MEGF8: variants seen among roughly 807,000 people sequenced by gnomAD.
MEGF8 encodes the protein multiple epidermal growth factor-like domains protein 8.
Under a neutral mutation model 302.9 loss-of-function variants are expected in MEGF8, and 156 were observed. The ratio of observed to expected loss-of-function variants is 0.52; its 90% CI spans 0.45 to 0.59. The LOEUF (loss-of-function observed/expected upper bound fraction) is 0.59. MEGF8 is among the 20% of genes least tolerant of loss of function. The probability of loss-of-function intolerance (pLI) is 0.00; values close to 1 mark genes in which losing one functional copy is unlikely to be tolerated. For synonymous variants in MEGF8, 1,621 were observed against 1,660.5 expected, an observed-to-expected ratio of 0.98 and a Z score of 0.58; for missense variants, 3,345 against 3,964.5, an observed-to-expected ratio of 0.84 and a Z score of 4.20.
rs901754018 is a variant in MEGF8, at chr19:42,373,537, A to G, written c.7270-1970A>G. Among the ~76,000 whole-genome samples the G allele has an allele frequency of 2.6e-5, 4 of 151,806 alleles. 1 individual carries two copies. The highest frequency in any genetic ancestry group is 5.9e-5 in the Non-Finnish European group (4 of 67,970). On this transcript the variant is annotated intron_variant, in intron 41 of 41. Coordinates refer to ENST00000251268, the MANE Select transcript of MEGF8 (RefSeq NM_001271938.2). ...CACCTCAGCCTCCTGAGTAGCTGAG[A>G]CTACAAGCATGTGCTATCATACCTG...
intron 39 of MEGF8, 170 bp downstream of exon 39, chr19:42,370,529 G>A: frequency 3.3e-6 from 3 of 909,572 alleles, no homozygotes; most frequent in Non-Finnish European, 4.9e-6. Context: ...GAACTCCTGG[G>A]TCTGAGGGAA....
rs528463927 is a variant in MEGF8 at position 42,357,754 on chromosome 19, C to G, written c.5011+170C>G. On this transcript the variant is annotated intron_variant, in intron 28 of 41. Coordinates refer to ENST00000251268, the MANE Select transcript of MEGF8 (RefSeq NM_001271938.2). The surrounding 1 kb of genome is among the most constrained non-coding windows in gnomAD (Gnocchi z 5.2). ...TTGAATGTTCAGATTTTCTGACTGT[C>G]CTTCCCAGACTCCACAACTAACTGC... 6.6e-6 allele frequency among the ~76,000 whole-genome samples: 1 copy of G among 152,242 alleles called. No individual in the cohort carries two copies. Among genetic ancestry groups the G allele is most frequent in the South Asian group, 2.1e-4 (1 of 4,818 alleles).
chr19:42,326,465 C>G, intron 1 of MEGF8, 35 bp downstream of exon 1: 1 of 1,496,534 alleles, frequency 6.7e-7, no homozygotes, highest in Non-Finnish European at 8.9e-7. Flanking sequence ...CACTAATTCG[C>G]TGGTAGTTCA....
Position 42,353,867 on chromosome 19 carries a change from T to C in MEGF8, c.3854T>C (p.Leu1285Pro). 1 of 1,602,294 alleles carries C rather than the reference T, an allele frequency of 6.2e-7. No homozygotes were observed. Among genetic ancestry groups the C allele is most frequent in the Non-Finnish European group, 8.5e-7 (1 of 1,174,744 alleles). ...CTGGGCTCACGCCGGGTCGGGGGGC[T>C]GCTGCCTCCAGGTGGCGGGGCTGCA... ...VALGSRRVGG[L>P]LPPGGGAARA... is the part of the protein sequence containing the mutation. Residue 1285 changes from leucine (L) to proline (P), a missense_variant, in exon 22 of 42, where the codon CTG becomes CCG. Coordinates refer to ENST00000251268, the MANE Select transcript of MEGF8 (RefSeq NM_001271938.2). The surrounding 1 kb of genome is among the most constrained non-coding windows in gnomAD (Gnocchi z 6.1).
Position 42,353,146 on chromosome 19 carries a change from G to T in MEGF8, c.3550+19G>T. 1 of 1,529,560 alleles carries T rather than the reference G, an allele frequency of 6.5e-7. No individual in the cohort carries two copies. 94.7% of individuals were successfully genotyped at this position (1,529,560 alleles called of 1,614,324 possible). On this transcript the variant is annotated intron_variant, in intron 20 of 41. Coordinates refer to ENST00000251268, the MANE Select transcript of MEGF8 (RefSeq NM_001271938.2). This position sits in a 1 kb window ranked among gnomAD's most constrained non-coding sequence, Gnocchi z 6.1. ...TGCCAGGGTAAGCAGCCCTTGTCCT[G>T]GGCCCAGCCTGGACCCAGGGAGCCT...
intron 35 of MEGF8, among the ~76,000 whole-genome samples, chr19:42,367,004 C>T (rs555826603): frequency 6.6e-6 from 1 of 152,334 alleles, no homozygotes; most frequent in Non-Finnish European, 1.5e-5. Flanking sequence ...TCCATGGTTG[C>T]TTTGCCTTTT....
rs1391186628 is a variant in MEGF8 at position 42,352,643 on chromosome 19, C to T, written c.3350+187C>T. 9.2e-5 allele frequency among the ~76,000 whole-genome samples: 14 copies of T among 152,206 alleles called. No individual in the cohort carries two copies. The highest frequency in any genetic ancestry group is 9.2e-4 in the Admixed American group (14 of 15,286). ...GGGTCCCCAGTGTAACCCTGGTTAC[C>T]ATGGAAATGGGGCACCCATAGGCTG... On this transcript the variant is annotated intron_variant, in intron 19 of 41. Coordinates refer to ENST00000251268, the MANE Select transcript of MEGF8 (RefSeq NM_001271938.2). The surrounding 1 kb of genome is among the most constrained non-coding windows in gnomAD (Gnocchi z 4.4).
In MEGF8 at chr19:42,358,046, C is replaced by T. The variant is rs140163965; in HGVS notation, c.5012-98C>T. On this transcript the variant is annotated intron_variant, in intron 28 of 41. Transcript: ENST00000251268. This position sits in a 1 kb window ranked among gnomAD's most constrained non-coding sequence, Gnocchi z 4.4. ...GCTCCCAGGCCTCCAGTCTCAGGGC[C>T]GGGGAAGGGAGTGGTCACCGAACAG... is the stretch of plus-strand genomic sequence containing the variant. The T allele has an allele frequency of 3.3e-5, 41 of 1,230,322 alleles. No homozygotes were observed. In the East Asian group the frequency reaches 7.2e-4, roughly 22 times the overall value. The allele number at this position is 1,230,322 out of a possible 1,614,324, so 76.2% of individuals were successfully genotyped here. A position where few individuals can be genotyped will look rare whatever the true frequency, so the allele number is the denominator to read the frequency against.
chr19:42,368,866 G>T lies in MEGF8; in HGVS notation c.6505G>T (p.Ala2169Ser). The change falls in exon 37 of 42, where the codon GCC (alanine) becomes TCC (serine). Residue 2169 changes from alanine (A) to serine (S), a missense_variant. By Grantham distance (99) the Ala-to-Ser change is moderately conservative. Transcript: ENST00000251268. The surrounding 1 kb of genome is among the most constrained non-coding windows in gnomAD (Gnocchi z 4.9). ...RDGLTCGRPG[A>S]SWAFLSCPPE... ...AGGGCTGACATGTGGGCGTCCGGGG[G>T]CCTCCTGGGCCTTCCTGTCCTGCCC... 1.2e-6 allele frequency: 2 copies of T among 1,613,744 alleles called. No homozygotes were observed. Among genetic ancestry groups the T allele is most frequent in the Non-Finnish European group, 1.7e-6 (2 of 1,179,828 alleles).
At position 42,356,561 on chromosome 19, in the gene MEGF8, C is replaced by A; in HGVS notation, c.4622+108C>A. 9.8e-7 allele frequency: 1 copy of A among 1,018,128 alleles called. No homozygotes were observed. Among genetic ancestry groups the A allele is most frequent in the Non-Finnish European group, 1.4e-6 (1 of 712,762 alleles). 63.1% of individuals were successfully genotyped at this position (1,018,128 alleles called of 1,614,324 possible). The stretch of plus-strand genomic sequence containing the variant: ...GAAAAGCCTCTAAGGTAAAGGACAG[C>A]CCAAAGGATGCTGGGACACTTGTCA... On this transcript the variant is annotated intron_variant, in intron 26 of 41. Coordinates refer to ENST00000251268, the MANE Select transcript of MEGF8 (RefSeq NM_001271938.2). This position sits in a 1 kb window ranked among gnomAD's most constrained non-coding sequence, Gnocchi z 5.2.
At chr19:42,341,053 C>T (rs2039205046) in intron 8 of MEGF8, among the ~76,000 whole-genome samples, 1 of 152,130 alleles carries the variant, frequency 6.6e-6, no homozygotes, top group Non-Finnish European at 1.5e-5. Flanking sequence ...GCAGCCTTGA[C>T]CTCCCGGGCT....
rs563329836 is a variant in MEGF8 at position 42,370,252 on chromosome 19, C to T, written c.6898C>T (p.Arg2300Trp). Residue 2300 changes from arginine (R) to tryptophan (W), a missense_variant, in exon 39 of 42, where the codon CGG (arginine) becomes TGG (tryptophan). Transcript: ENST00000251268. ...TTCAGCTGTCGGAGGCGGGACCTGC[C>T]GGCCCTGCCACGCCTTTTGTCGTGG... ...VGSAVGGGTC[R>W]PCHAFCRGNS... is the part of the protein sequence containing the mutation. The T allele has an allele frequency of 1.1e-5, 18 of 1,613,712 alleles. No individual in the cohort carries two copies. Among genetic ancestry groups the T allele is most frequent in the Admixed American group, 3.3e-5 (2 of 60,018 alleles).
At position 42,349,435 on chromosome 19, in the gene MEGF8, AG is replaced by A; in HGVS notation, c.2299-60del. 1.2e-5 allele frequency: 17 copies of A among 1,453,296 alleles called. No individual in the cohort carries two copies. The South Asian group carries it at 2.2e-4, about 19-fold the overall frequency. The allele number at this position is 1,453,296 out of a possible 1,614,324, so 90.0% of individuals were successfully genotyped here. Reference sequence around the variant, plus strand: ...GGTACAGGGTGGGTTTGGAGGTATCAGGGGTCTGAGGAAGGAATGGGAAGGG... The same window carrying A: ...GGTACAGGGTGGGTTTGGAGGTATCAGGGTCTGAGGAAGGAATGGGAAGGG... On this transcript the variant is annotated intron_variant, in intron 13 of 41. Transcript: ENST00000251268.
chr19:42,328,530 A>G (rs1248135268), intron 1 of MEGF8, among the ~76,000 whole-genome samples: 2 of 149,998 alleles, frequency 1.3e-5, no homozygotes, highest in Admixed American at 6.7e-5. Context: ...CTTGGGGGCC[A>G]TTCCTGTCAA....
intron 41 of MEGF8, among the ~76,000 whole-genome samples, chr19:42,372,787 C>T (rs145490169): frequency 1.3e-5 from 2 of 151,982 alleles, no homozygotes; most frequent in African/African-American, 4.8e-5. Flanking sequence ...ATTATCCTGC[C>T]TCAGCTTCCT....
chr19:42,334,166 C>T lies in MEGF8; in HGVS notation c.511C>T (p.Leu171=). The change falls in exon 3 of 42, where the codon CTG becomes TTG. Residue 171 remains leucine, a synonymous_variant. Transcript: ENST00000251268. ...EPGWGGPDCG[L]QECSAYCGSH... is the part of the protein sequence containing the mutation. ...GGGCTGGGGGGGTCCTGACTGTGGCCTGCAGGAGTGCTCAGCCTACTGTGG... is the reference window on the plus strand; with the variant it reads ...GGGCTGGGGGGGTCCTGACTGTGGCTTGCAGGAGTGCTCAGCCTACTGTGG... 6.2e-7 allele frequency: 1 copy of T among 1,610,936 alleles called. No individual in the cohort carries two copies. Among genetic ancestry groups the T allele is most frequent in the Non-Finnish European group, 8.5e-7 (1 of 1,179,362 alleles).
chr19:42,358,437 A>G lies in MEGF8; in HGVS notation c.5175+130A>G. 2 of 1,174,342 alleles carry G rather than the reference A, an allele frequency of 1.7e-6. No individual in the cohort carries two copies. The highest frequency in any genetic ancestry group is 2.3e-6 in the Non-Finnish European group (2 of 861,000). The allele number at this position is 1,174,342 out of a possible 1,614,324, so 72.7% of individuals were successfully genotyped here. A position where few individuals can be genotyped will look rare whatever the true frequency, so the allele number is the denominator to read the frequency against. On this transcript the variant is annotated intron_variant, in intron 29 of 41. Coordinates refer to ENST00000251268, the MANE Select transcript of MEGF8 (RefSeq NM_001271938.2). The surrounding 1 kb of genome is among the most constrained non-coding windows in gnomAD (Gnocchi z 4.4). ...CCTTTCTATGTTCCCTAACTAAGCG[A>G]CACCCCCACATCTCCCCCGCTTCCA...
chr19:42,336,221 G>C lies in MEGF8; in HGVS notation c.1119G>C (p.Gly373=), dbSNP rs1412971181. 1.9e-6 allele frequency: 3 copies of C among 1,609,478 alleles called. No homozygotes were observed. The African/African-American group carries it at 4.0e-5, about 21-fold the overall frequency. The part of the protein sequence containing the change: ...LFRFRLDSTS[G]GYWEQVIPAG... Reference sequence around the variant, plus strand: ...GTTTCCGCCTTGACAGCACCAGCGGGGGCTATTGGGAGCAGGTGATTCCGG... The same window carrying C: ...GTTTCCGCCTTGACAGCACCAGCGGCGGCTATTGGGAGCAGGTGATTCCGG... Residue 373 remains glycine, a synonymous_variant, in exon 6 of 42, where the codon GGG becomes GGC. Coordinates refer to ENST00000251268, the MANE Select transcript of MEGF8 (RefSeq NM_001271938.2). This position sits in a 1 kb window ranked among gnomAD's most constrained non-coding sequence, Gnocchi z 4.8.
At chr19:42,329,795 C>T (rs2039031938) in intron 1 of MEGF8, among the ~76,000 whole-genome samples, 1 of 151,360 alleles carries the variant, frequency 6.6e-6, no homozygotes, top group South Asian at 2.1e-4. Context: ...TCCCTTGAGC[C>T]TAGGAGGCTG....
Sources: allele counts gnomAD v4.1 joint callset (sites outside exome capture counted in the v4.1 genomes callset), GRCh38; gene constraint gnomAD v4.1.1; non-coding constraint Gnocchi (gnomAD v3.1); transcripts MANE v1.5; gene names NCBI Gene and HGNC (gene_info 2026-07-23, HGNC 2026-07-21).